The following EHBP1 variants were observed in gnomAD, a reference collection of about 807,000 sequenced individuals.
EHBP1 encodes EH domain binding protein 1.
EHBP1 carries 55 observed loss-of-function variants against 144.0 expected under a neutral mutation model. The observed-to-expected ratio is 0.38, with a 90% CI of 0.31 to 0.48. The LOEUF (loss-of-function observed/expected upper bound fraction) is 0.48. EHBP1 is among the 20% of genes least tolerant of loss of function. EHBP1 has a pLI of 0.98. For synonymous variants in EHBP1, 469 were observed against 472.7 expected (o/e 0.99, Z 0.10); for missense variants, 1,200 against 1,364.2 (o/e 0.88, Z 1.90).
At chr2:62,812,149 T>C (rs899179411) in intron 5 of EHBP1, among the ~76,000 whole-genome samples, 1 of 152,192 alleles carries the variant, frequency 6.6e-6, no homozygotes, top group Non-Finnish European at 1.5e-5. Context: ...CCTTTCACTT[T>C]GCGATAATGC....
intron 3 of EHBP1, among the ~76,000 whole-genome samples, chr2:62,750,196 A>G (rs1049390419): frequency 6.6e-6 from 1 of 152,138 alleles, no homozygotes. Context: ...TCAGCTTTCT[A>G]CCTATGGCTA....
intron 5 of EHBP1, among the ~76,000 whole-genome samples, chr2:62,813,869 A>T (rs923574472): frequency 2.0e-5 from 3 of 152,242 alleles, no homozygotes; most frequent in African/African-American, 7.2e-5. Context: ...TTTTGGAAGT[A>T]GATGACTGGT....
intron 5 of EHBP1, among the ~76,000 whole-genome samples, chr2:62,825,081 T>C (rs1054477784): frequency 6.6e-6 from 1 of 151,996 alleles, no homozygotes; most frequent in Non-Finnish European, 1.5e-5. Flanking sequence ...GGTTTAAATT[T>C]TGGTCTTAAC....
Position 62,747,435 on chromosome 2 carries a change from C to T in EHBP1, c.145C>T (p.Arg49Ter), listed in dbSNP as rs1007133319. 2 of 1,608,876 alleles carry T rather than the reference C, an allele frequency of 1.2e-6. No homozygotes were observed. The highest frequency in any genetic ancestry group is 1.7e-6 in the Non-Finnish European group (2 of 1,177,404). Residue 49 changes from arginine (R) to a stop codon, truncating the protein, a stop_gained, in exon 3 of 23, where the codon CGA becomes TGA. Transcript: ENST00000431489. LOFTEE classifies it high-confidence loss of function. ...GGTGGTAGTTTGGACCAGAAGAAGCCGAAGGAAGTCTTCTAAGGTTAGTGT... is the reference window on the plus strand; with the variant it reads ...GGTGGTAGTTTGGACCAGAAGAAGCTGAAGGAAGTCTTCTAAGGTTAGTGT... ...KLVVVWTRRS[R>*]RKSSKAHSWQ...
At chr2:62,977,638 T>C (rs758179431) in intron 14 of EHBP1, among the ~76,000 whole-genome samples, 4 of 152,170 alleles carry the variant, frequency 2.6e-5, no homozygotes, top group Non-Finnish European at 4.4e-5. Flanking sequence ...GTATATAGTA[T>C]ATTCTCCTGC....
chr2:62,943,743 TA>T, intron 11 of EHBP1, 58 bp from the exon 12 acceptor site: 1 of 1,235,226 alleles, frequency 8.1e-7, no homozygotes, highest in Non-Finnish European at 1.1e-6. Context: ...CAGTTTGTTT[TA>T]AAAACAGCTG....
chr2:62,745,607 T>C (rs1272063604), intron 2 of EHBP1, among the ~76,000 whole-genome samples: 1 of 151,966 alleles, frequency 6.6e-6, no homozygotes, highest in Non-Finnish European at 1.5e-5. Flanking sequence ...TATTTGCAGG[T>C]TATACAGCTA....
chr2:62,700,127 C>T (rs2034233768), intron 1 of EHBP1, among the ~76,000 whole-genome samples: 1 of 151,870 alleles, frequency 6.6e-6, no homozygotes, highest in Non-Finnish European at 1.5e-5. Context: ...CTTTTCTAAG[C>T]TTTTATGTCA....
chr2:62,918,913 G>A (rs908367688), intron 10 of EHBP1, among the ~76,000 whole-genome samples: 4 of 151,968 alleles, frequency 2.6e-5, no homozygotes, highest in African/African-American at 9.7e-5. Context: ...TCTGCCAGAT[G>A]TAACTATTTT....
chr2:62,749,144 C>A (rs2039435307), intron 3 of EHBP1, among the ~76,000 whole-genome samples: 1 of 152,094 alleles, frequency 6.6e-6, no homozygotes, highest in Admixed American at 6.5e-5. Context: ...ATCCCCCCAC[C>A]CCACAACAGG....
At chr2:63,041,230 C>T (rs1032582490) in intron 21 of EHBP1, among the ~76,000 whole-genome samples, 4 of 152,088 alleles carry the variant, frequency 2.6e-5, no homozygotes, top group Non-Finnish European at 5.9e-5. Context: ...TACCCTTTTT[C>T]TCCTGAGGTG....
intron 7 of EHBP1, among the ~76,000 whole-genome samples, chr2:62,842,267 A>C (rs950839595): frequency 2.6e-5 from 4 of 152,042 alleles, no homozygotes; most frequent in Non-Finnish European, 4.4e-5. Flanking sequence ...TTGTATTTTT[A>C]GTAGAGATGG....
chr2:62,675,417 C>T (rs1306580559), intron 1 of EHBP1, among the ~76,000 whole-genome samples: 1 of 152,098 alleles, frequency 6.6e-6, no homozygotes, highest in Non-Finnish European at 1.5e-5. Flanking sequence ...CTAGAAAGTC[C>T]TAGAGTACTG....
At chr2:62,680,552 C>G (rs192290607) in intron 1 of EHBP1, among the ~76,000 whole-genome samples, 1 of 152,110 alleles carries the variant, frequency 6.6e-6, no homozygotes, top group African/African-American at 2.4e-5. Context: ...ATTATTGTTG[C>G]ATTGCAGTGT....
At chr2:62,753,541 G>A (rs1159429903) in intron 3 of EHBP1, among the ~76,000 whole-genome samples, 2 of 152,108 alleles carry the variant, frequency 1.3e-5, no homozygotes, top group African/African-American at 2.4e-5. Context: ...GAATTTGAAT[G>A]TTGGCCTGCC....
intron 19 of EHBP1, among the ~76,000 whole-genome samples, chr2:63,032,182 T>C (rs1298191029): frequency 6.6e-6 from 1 of 151,088 alleles, no homozygotes; most frequent in African/African-American, 2.4e-5. Flanking sequence ...GATGTATACA[T>C]ATGTAACAAA....
intron 19 of EHBP1, among the ~76,000 whole-genome samples, chr2:63,008,047 G>C (rs1351998021): frequency 6.6e-6 from 1 of 151,622 alleles, no homozygotes; most frequent in African/African-American, 2.4e-5. Context: ...AGGGATTTTA[G>C]GCAGATTAGA....
At chr2:62,943,061 C>T (rs1040576250) in intron 11 of EHBP1, among the ~76,000 whole-genome samples, 165 bp downstream of exon 11, 9 of 152,136 alleles carry the variant, frequency 5.9e-5, no homozygotes, top group Non-Finnish European at 1.3e-4. Context: ...CTTTTTCATA[C>T]CTAAAAACAA....
intron 2 of EHBP1, among the ~76,000 whole-genome samples, chr2:62,746,836 T>C (rs1352293526): frequency 1.3e-5 from 2 of 152,074 alleles, no homozygotes; most frequent in Non-Finnish European, 2.9e-5. Flanking sequence ...TTTAACTTAA[T>C]AGTCTTTTAA....
Sources: allele counts gnomAD v4.1 joint callset (sites outside exome capture counted in the v4.1 genomes callset), GRCh38; gene constraint gnomAD v4.1.1; transcripts MANE v1.5; gene names NCBI Gene and HGNC (gene_info 2026-07-23, HGNC 2026-07-21).